The following MGAT3 variants were observed in gnomAD, a reference collection of about 807,000 sequenced individuals.
MGAT3 encodes GlcNAc-T III.
MGAT3 carries 9 observed loss-of-function variants against 29.8 expected under a neutral mutation model. The observed-to-expected ratio is 0.30, with a 90% CI of 0.18 to 0.53. MGAT3 has a LOEUF of 0.53. MGAT3 is among the 20% of genes least tolerant of loss of function. The pLI, the probability that MGAT3 is intolerant of heterozygous loss-of-function variation, is 0.96. For synonymous variants in MGAT3, 397 were observed against 348.9 expected (o/e 1.14, Z -1.54); for missense variants, 557 against 769.5 (o/e 0.72, Z 3.27).
At chr22:39,485,374 G>A (rs902724467) in intron 1 of MGAT3, among the ~76,000 whole-genome samples, 11 of 152,214 alleles carry the variant, frequency 7.2e-5, no homozygotes, top group African/African-American at 2.4e-4. Context: ...TCTGATGTCC[G>A]TTTCCTAGTT....
rs1159545740 is a variant in MGAT3 at position 39,487,234 on chromosome 22, G to A, written c.-1-113G>A. The A allele has an allele frequency of 6.2e-6, 7 of 1,128,458 alleles. No individual in the cohort carries two copies. The highest frequency in any genetic ancestry group is 8.8e-6 in the Non-Finnish European group (7 of 791,538). 69.9% of individuals were successfully genotyped at this position (1,128,458 alleles called of 1,614,324 possible). On this transcript the variant is annotated intron_variant, in intron 1 of 1. Transcript: ENST00000341184. The surrounding 1 kb of genome is among the most constrained non-coding windows in gnomAD (Gnocchi z 5.7). ...AGGTCACTCCATGCAGGGGCAGCAG[G>A]TGCTGGCCACCACATTGTCCAGCAA...
chr22:39,486,155 T>A (rs1030784057), intron 1 of MGAT3: 1 of 425,990 alleles, frequency 2.3e-6, no homozygotes, highest in Admixed American at 2.9e-5. Flanking sequence ...TTTTTTTTTT[T>A]TTTTTTTTAG....
At chr22:39,471,410 A>G (rs1928805905) in intron 1 of MGAT3, among the ~76,000 whole-genome samples, 1 of 152,118 alleles carries the variant, frequency 6.6e-6, no homozygotes, top group Admixed American at 6.5e-5. Flanking sequence ...GAATTAGAAG[A>G]AGCTGTGTTC....
Position 39,487,733 on chromosome 22 carries a change from C to A in MGAT3, c.386C>A (p.Pro129His). The stretch of plus-strand genomic sequence containing the variant: ...GGCACCAAGATGCTGGAGAGGCCGC[C>A]CCCGGGACGGCCGGAGGAGAAGCCT... ...KPGTKMLERPPPGRPEEKPEG... is the reference protein window; with the variant it reads ...KPGTKMLERPHPGRPEEKPEG... The change falls in exon 2 of 2, where the codon CCC becomes CAC. Residue 129 changes from proline to histidine, a missense_variant. This residue lies in a region of MGAT3 where 212 missense variants were observed against 228.5 expected (regional missense o/e 0.93). Transcript: ENST00000341184. The surrounding 1 kb of genome is among the most constrained non-coding windows in gnomAD (Gnocchi z 5.7). 1.3e-6 allele frequency: 2 copies of A among 1,548,898 alleles called. No individual in the cohort carries two copies. Among genetic ancestry groups the A allele is most frequent in the East Asian group, 2.3e-5 (1 of 43,754 alleles).
At chr22:39,481,285 G>A (rs1929119482) in intron 1 of MGAT3, among the ~76,000 whole-genome samples, 1 of 152,202 alleles carries the variant, frequency 6.6e-6, no homozygotes, top group Non-Finnish European at 1.5e-5. Flanking sequence ...CGGTGAGCCT[G>A]CCCTGCCCAC....
chr22:39,491,499 T>TA lies in MGAT3; in HGVS notation c.*2551dup. 6.0e-6 allele frequency: 1 copy of TA among 166,940 alleles called. No individual in the cohort carries two copies. 10.3% of individuals were successfully genotyped at this position (166,940 alleles called of 1,614,324 possible). The stretch of plus-strand genomic sequence containing the variant: ...CCACGCCCCTGGCATCCTCAGTTGC[T>TA]ATGGGATGCCCCTCCAGGGCACCAG... On this transcript the variant is annotated 3_prime_UTR_variant, in exon 2 of 2. Coordinates refer to ENST00000341184, the MANE Select transcript of MGAT3 (RefSeq NM_002409.5). The surrounding 1 kb of genome is among the most constrained non-coding windows in gnomAD (Gnocchi z 5.5).
intron 1 of MGAT3, among the ~76,000 whole-genome samples, chr22:39,485,666 C>T (rs888599134): frequency 4.6e-5 from 7 of 152,114 alleles, no homozygotes; most frequent in Non-Finnish European, 1.0e-4. Context: ...TGGTGTGTGC[C>T]TGTAATCCCA....
chr22:39,466,826 T>C (rs1293614640), intron 1 of MGAT3, among the ~76,000 whole-genome samples: 1 of 152,236 alleles, frequency 6.6e-6, no homozygotes, highest in Non-Finnish European at 1.5e-5. Flanking sequence ...TGCCTAGTGG[T>C]AGCGTTATTT....
chr22:39,476,786 GAC>G (rs1030545803), intron 1 of MGAT3: 1 of 152,190 alleles, frequency 6.6e-6, no homozygotes, highest in African/African-American at 2.4e-5. Flanking sequence ...GCAAAATGGA[GAC>G]ACACATATCT....
chr22:39,484,294 A>C (rs1298060502), intron 1 of MGAT3, among the ~76,000 whole-genome samples: 1 of 152,230 alleles, frequency 6.6e-6, no homozygotes, highest in Non-Finnish European at 1.5e-5. Flanking sequence ...AGCATGCTGC[A>C]TGCCAGGAAC....
chr22:39,457,088 T>G lies in MGAT3; in HGVS notation c.-471T>G, dbSNP rs1928346564. On this transcript the variant is annotated 5_prime_UTR_variant, in exon 1 of 2. Transcript: ENST00000341184. This position sits in a 1 kb window ranked among gnomAD's most constrained non-coding sequence, Gnocchi z 6.8. Reference sequence around the variant, plus strand: ...CGGCGCGGGGCGGCGGCGGCCGGAGTCTGCGGTGCGAGGCGCCCCCGGCCC... The same window carrying G: ...CGGCGCGGGGCGGCGGCGGCCGGAGGCTGCGGTGCGAGGCGCCCCCGGCCC... Among the ~76,000 whole-genome samples the G allele has an allele frequency of 6.8e-6, 1 of 146,348 alleles. No homozygotes were observed. The highest frequency in any genetic ancestry group is 1.5e-5 in the Non-Finnish European group (1 of 65,994).
chr22:39,467,598 C>A (rs1206086811), intron 1 of MGAT3, among the ~76,000 whole-genome samples: 1 of 152,196 alleles, frequency 6.6e-6, no homozygotes, highest in East Asian at 1.9e-4. Context: ...ATGGACACGA[C>A]ACGGGACCTG....
At chr22:39,460,833 G>A (rs1928478346) in intron 1 of MGAT3, among the ~76,000 whole-genome samples, 2 of 151,998 alleles carry the variant, frequency 1.3e-5, no homozygotes, top group African/African-American at 2.4e-5. Context: ...TGGGGGTGGG[G>A]TGCACTGTTA....
chr22:39,487,899 G>A lies in MGAT3; in HGVS notation c.552G>A (p.Val184=). Residue 184 remains valine (V), a synonymous_variant, in exon 2 of 2, where the codon GTG becomes GTA. Transcript: ENST00000341184. This position sits in a 1 kb window ranked among gnomAD's most constrained non-coding sequence, Gnocchi z 5.7. ...GCTGGCACGGACCCAGCTGCGGCGTGCCCACTGTGGTGCAGTACTCCAACC... is the reference window on the plus strand; with the variant it reads ...GCTGGCACGGACCCAGCTGCGGCGTACCCACTGTGGTGCAGTACTCCAACC... ...LPGWHGPSCG[V]PTVVQYSNLP... is the part of the protein sequence containing the mutation. 1.3e-6 allele frequency: 2 copies of A among 1,589,148 alleles called. No individual in the cohort carries two copies. The highest frequency in any genetic ancestry group is 8.6e-7 in the Non-Finnish European group (1 of 1,167,182).
chr22:39,488,163 C>G lies in MGAT3; in HGVS notation c.816C>G (p.Val272=). 1 of 1,613,008 alleles carries G rather than the reference C, an allele frequency of 6.2e-7. No homozygotes were observed. Among genetic ancestry groups the G allele is most frequent in the South Asian group, 1.1e-5 (1 of 91,074 alleles). The change falls in exon 2 of 2, where the codon GTC becomes GTG. Residue 272 remains valine, a synonymous_variant. Coordinates refer to ENST00000341184, the MANE Select transcript of MGAT3 (RefSeq NM_002409.5). ...FEYIRHKVLY[V]FLDHFPPGGR... is the part of the protein sequence containing the mutation. ...ACATCCGCCACAAGGTGCTCTATGT[C>G]TTCCTGGACCACTTCCCGCCCGGCG...
chr22:39,465,930 T>TA (rs1928631952), intron 1 of MGAT3, among the ~76,000 whole-genome samples: 1 of 147,112 alleles, frequency 6.8e-6, no homozygotes. Context: ...AGACTCCGTC[T>TA]TAAAAAAAAA....
rs867840954 is a variant in MGAT3 at position 39,488,001 on chromosome 22, C to T, written c.654C>T (p.Phe218=). 1.9e-6 allele frequency: 3 copies of T among 1,613,132 alleles called. No homozygotes were observed. Among genetic ancestry groups the T allele is most frequent in the Non-Finnish European group, 2.5e-6 (3 of 1,179,888 alleles). Residue 218 remains phenylalanine (F), a synonymous_variant, in exon 2 of 2, where the codon TTC becomes TTT. Transcript: ENST00000341184. ...ACGCCATCAACGTCAACCACGAGTTCGACCTGCTGGACGTGCGCTTCCACG... is the reference window on the plus strand; with the variant it reads ...ACGCCATCAACGTCAACCACGAGTTTGACCTGCTGGACGTGCGCTTCCACG... ...VINAINVNHE[F]DLLDVRFHEL...
intron 1 of MGAT3, chr22:39,486,092 A>C (rs1047120660): frequency 2.5e-6 from 1 of 400,306 alleles, no homozygotes; most frequent in African/African-American, 2.2e-5. Flanking sequence ...TTTATGAAAA[A>C]TATTAAATCA....
chr22:39,471,633 C>T (rs1457019088), intron 1 of MGAT3, among the ~76,000 whole-genome samples: 1 of 151,942 alleles, frequency 6.6e-6, no homozygotes. Flanking sequence ...AGGCCCTGTG[C>T]CCTTGGGAGT....
Sources: gnomAD v4.1 joint callset for allele counts (sites outside exome capture counted in the v4.1 genomes callset) on GRCh38, gnomAD v4.1.1 for gene constraint, gnomAD v4.1.1 regional missense constraint, Gnocchi (gnomAD v3.1) non-coding constraint, MANE v1.5 for transcripts, NCBI Gene and HGNC (gene_info 2026-07-23, HGNC 2026-07-21) for gene names.